Variants in REDIC1 observed in about 807,000 individuals in gnomAD.
The protein encoded by REDIC1 is HEI10 Interacting Protein 1.
chr12:39,671,395 G>A, the REDIC1 span, among the ~76,000 whole-genome samples: 1 of 152,172 alleles, frequency 6.6e-6, no homozygotes, highest in African/African-American at 2.4e-5. Context: ...GGGATGCCAG[G>A]TGGGCCAGTC....
the REDIC1 span, chr12:39,692,220 A>G: frequency 9.2e-7 from 1 of 1,084,066 alleles, no homozygotes; most frequent in Non-Finnish European, 1.3e-6. Flanking sequence ...ACAAATATAT[A>G]TCATGGATAT....
chr12:39,660,171 A>G, the REDIC1 span, among the ~76,000 whole-genome samples: 1 of 152,122 alleles, frequency 6.6e-6, no homozygotes, highest in Non-Finnish European at 1.5e-5. Flanking sequence ...CTTCACATGC[A>G]TGTGCCGGTT....
At chr12:39,675,122 T>C in the REDIC1 span, among the ~76,000 whole-genome samples, 131,835 of 152,104 alleles carry the variant, frequency 0.87, 57,390 homozygotes, top group African/African-American at 0.92. Context: ...TTACTTGCTG[T>C]GTGGGAGCTG....
At chr12:39,762,512 A>T in the REDIC1 span, among the ~76,000 whole-genome samples, 1 of 148,782 alleles carries the variant, frequency 6.7e-6, no homozygotes, top group Non-Finnish European at 1.5e-5. Flanking sequence ...TATAGCAATG[A>T]TACTTTTTAG....
At chr12:39,825,861 G>A in the REDIC1 span, among the ~76,000 whole-genome samples, 1 of 151,888 alleles carries the variant, frequency 6.6e-6, no homozygotes, top group Non-Finnish European at 1.5e-5. Context: ...AACCTCTTGT[G>A]GATCTGTTTA....
the REDIC1 span, among the ~76,000 whole-genome samples, chr12:39,838,494 A>G: frequency 1.7e-5 from 2 of 115,090 alleles, no homozygotes; most frequent in Non-Finnish European, 3.5e-5. Context: ...AGTATAATAA[A>G]AAAAAATAAA....
the REDIC1 span, among the ~76,000 whole-genome samples, chr12:39,903,711 A>G: frequency 6.6e-6 from 1 of 152,136 alleles, no homozygotes; most frequent in Non-Finnish European, 1.5e-5. Context: ...CAGGCCCCAG[A>G]AATGGAGACA....
At chr12:39,769,971 G>T in the REDIC1 span, among the ~76,000 whole-genome samples, 2 of 151,990 alleles carry the variant, frequency 1.3e-5, no homozygotes. Flanking sequence ...TCTTAATCTT[G>T]ATGCTCTTTG....
At chr12:39,724,889 T>C in the REDIC1 span, among the ~76,000 whole-genome samples, 5 of 152,100 alleles carry the variant, frequency 3.3e-5, no homozygotes, top group Non-Finnish European at 7.4e-5. Context: ...TGAGAAGCTT[T>C]ATATGTTTAA....
At chr12:39,637,408 C>G in the REDIC1 span, among the ~76,000 whole-genome samples, 927 of 152,138 alleles carry the variant, frequency 6.1e-3, 10 homozygotes, top group African/African-American at 0.022. Context: ...GAACCTCATT[C>G]CCACTTTCTA....
At chr12:39,764,760 A>G in the REDIC1 span, 3 of 1,612,790 alleles carry the variant, frequency 1.9e-6, no homozygotes, top group East Asian at 6.7e-5. Flanking sequence ...GACAAGATAT[A>G]AAATAAGGCC....
chr12:39,683,567 T>C, the REDIC1 span: 6 of 1,131,318 alleles, frequency 5.3e-6, no homozygotes, highest in Non-Finnish European at 6.5e-6. Context: ...CAAAGTGAGG[T>C]AGGCGTATTG....
At chr12:39,680,583 A>G in the REDIC1 span, among the ~76,000 whole-genome samples, 2 of 152,220 alleles carry the variant, frequency 1.3e-5, no homozygotes, top group East Asian at 1.9e-4. Flanking sequence ...TCCTTAAAGA[A>G]CTAAAAGTGA....
the REDIC1 span, among the ~76,000 whole-genome samples, chr12:39,707,755 G>T: frequency 1.3e-5 from 2 of 151,716 alleles, no homozygotes; most frequent in Non-Finnish European, 2.9e-5. Flanking sequence ...TTTTTAAAAA[G>T]TTTTTTTCTG....
the REDIC1 span, chr12:39,721,038 T>C: frequency 6.2e-7 from 1 of 1,613,766 alleles, no homozygotes; most frequent in Non-Finnish European, 8.5e-7. Context: ...ACAAAACCAA[T>C]GATAACTGCG....
At chr12:39,714,193 A>ATATGTATATACATGCATATATGCG in the REDIC1 span, among the ~76,000 whole-genome samples, 1 of 130,500 alleles carries the variant, frequency 7.7e-6, no homozygotes, top group South Asian at 2.2e-4. Flanking sequence ...GCATATATGT[A>ATATGTATATACATGCATATATGCG]TATATGTATA....
chr12:39,778,103 G>A, the REDIC1 span, among the ~76,000 whole-genome samples: 2 of 152,178 alleles, frequency 1.3e-5, no homozygotes, highest in African/African-American at 4.8e-5. Flanking sequence ...AGAGGTTTGA[G>A]CAGCAGGGCG....
chr12:39,683,178 T>G, the REDIC1 span: 3 of 1,516,432 alleles, frequency 2.0e-6, no homozygotes, highest in East Asian at 2.3e-5. Context: ...TACATATTCT[T>G]TTTTTCTTTC....
chr12:39,679,108 A>T, the REDIC1 span, among the ~76,000 whole-genome samples: 4 of 152,124 alleles, frequency 2.6e-5, no homozygotes, highest in African/African-American at 9.7e-5. Flanking sequence ...GAACAGTCAG[A>T]CAAGAGTTCA....
Sources: gnomAD v4.1 joint callset for allele counts (sites outside exome capture counted in the v4.1 genomes callset) on GRCh38, gnomAD v4.1.1 for gene constraint, MANE v1.5 for transcripts, NCBI Gene and HGNC (gene_info 2026-07-23, HGNC 2026-07-21) for gene names.